Variants in ABCG1 observed in about 807,000 individuals in gnomAD.
ABCG1 encodes the protein ATP-binding cassette sub-family G member 1.
A neutral mutation model predicts 69.2 loss-of-function variants in ABCG1; 29 were observed. That is an observed-to-expected ratio of 0.42 (90% CI 0.31 to 0.57). The LOEUF (loss-of-function observed/expected upper bound fraction) is 0.57. Among genes scored for constraint, ABCG1 ranks in the 20% least tolerant of loss-of-function variants. The pLI, the probability that ABCG1 is intolerant of heterozygous loss-of-function variation, is 0.15. For missense variants in ABCG1, 718 were observed against 898.1 expected (o/e 0.80, Z 2.56); for synonymous variants, 370 against 374.8 (o/e 0.99, Z 0.15).
intron 2 of ABCG1, among the ~76,000 whole-genome samples, chr21:42,227,458 C>T (rs539166982): frequency 2.0e-5 from 3 of 152,278 alleles, no homozygotes; most frequent in East Asian, 1.9e-4. Context: ...GATTCCTGTC[C>T]GTCTGTTATG....
intron 5 of ABCG1, among the ~76,000 whole-genome samples, chr21:42,279,878 A>G (rs1331622869): frequency 6.6e-6 from 1 of 152,228 alleles, no homozygotes; most frequent in Non-Finnish European, 1.5e-5. Context: ...ACCCGAAGGC[A>G]GATGGCACCC....
At chr21:42,255,544 A>G (rs2123665838) in intron 2 of ABCG1, among the ~76,000 whole-genome samples, 1 of 152,326 alleles carries the variant, frequency 6.6e-6, no homozygotes, top group South Asian at 2.1e-4. Flanking sequence ...TGTACAGGGC[A>G]GACGCACTCA....
At chr21:42,246,195 G>A (rs566018162) in intron 2 of ABCG1, among the ~76,000 whole-genome samples, 1 of 152,140 alleles carries the variant, frequency 6.6e-6, no homozygotes, top group Admixed American at 6.6e-5. Flanking sequence ...GACTGAATTC[G>A]CCATCCAAAC....
At chr21:42,282,227 G>A (rs1340765264) in intron 5 of ABCG1, 47 bp from the exon 6 acceptor site, 1 of 1,590,850 alleles carries the variant, frequency 6.3e-7, no homozygotes, top group Non-Finnish European at 8.6e-7. Flanking sequence ...GGGAGGTGGT[G>A]AGCTTTGGCG....
chr21:42,280,301 G>A (rs535943746), intron 5 of ABCG1, among the ~76,000 whole-genome samples: 1 of 152,230 alleles, frequency 6.6e-6, no homozygotes, highest in Non-Finnish European at 1.5e-5. Context: ...AACACAATGG[G>A]ATGGAATGTT....
At chr21:42,289,584 C>T (rs540853935) in intron 10 of ABCG1, among the ~76,000 whole-genome samples, 1 of 152,232 alleles carries the variant, frequency 6.6e-6, no homozygotes, top group Admixed American at 6.5e-5. Context: ...ACAATCTGGC[C>T]ACCTACTTAG....
intron 2 of ABCG1, 135 bp from the exon 3 acceptor site, chr21:42,270,935 C>T (rs758064280): frequency 3.9e-5 from 21 of 538,156 alleles, no homozygotes; most frequent in Non-Finnish European, 6.6e-5. Flanking sequence ...TCATGTTCTT[C>T]CCTGGAATGC....
chr21:42,229,018 C>T (rs564078002), intron 2 of ABCG1, among the ~76,000 whole-genome samples: 5 of 152,320 alleles, frequency 3.3e-5, no homozygotes, highest in South Asian at 2.1e-4. Context: ...TCCGCCTCTG[C>T]GCCTGCTGGT....
chr21:42,239,152 A>G (rs1428316597), intron 2 of ABCG1, among the ~76,000 whole-genome samples: 1 of 152,206 alleles, frequency 6.6e-6, no homozygotes, highest in Non-Finnish European at 1.5e-5. Flanking sequence ...GAGCTCAGGA[A>G]TGTGGGCTCC....
chr21:42,245,544 G>A (rs1054811002), intron 2 of ABCG1, among the ~76,000 whole-genome samples: 6 of 152,160 alleles, frequency 3.9e-5, no homozygotes, highest in African/African-American at 1.4e-4. Flanking sequence ...GGCCTCCCTG[G>A]CCAACCACGG....
At chr21:42,254,370 A>T (rs2068269174) in intron 2 of ABCG1, among the ~76,000 whole-genome samples, 1 of 152,164 alleles carries the variant, frequency 6.6e-6, no homozygotes, top group South Asian at 2.1e-4. Context: ...CCTGCCCCAC[A>T]CTCACTGAGG....
rs972490949 is a variant in ABCG1 at position 42,284,585 on chromosome 21, C to T, written c.760C>T (p.Gln254Ter). ...TSGLDSASCFQVVSLMKGLAQ... is the reference protein window; with the variant it reads ...TSGLDSASCF ...CGGCCTGGACAGCGCCTCCTGCTTCCAGGTGGTCTCGCTGATGAAAGGGCT... is the reference window on the plus strand; with the variant it reads ...CGGCCTGGACAGCGCCTCCTGCTTCTAGGTGGTCTCGCTGATGAAAGGGCT... Residue 254 changes from glutamine to a stop codon, truncating the protein, a stop_gained, in exon 7 of 15, where the codon CAG (glutamine) becomes TAG (stop). Coordinates refer to ENST00000398449, the MANE Select transcript of ABCG1 (RefSeq NM_016818.3). LOFTEE classifies it high-confidence loss of function. 1.9e-6 allele frequency: 3 copies of T among 1,613,830 alleles called. No individual in the cohort carries two copies. The highest frequency in any genetic ancestry group is 2.5e-6 in the Non-Finnish European group (3 of 1,180,020).
chr21:42,241,746 T>C (rs939435697), intron 2 of ABCG1, among the ~76,000 whole-genome samples: 1 of 151,036 alleles, frequency 6.6e-6, no homozygotes, highest in Non-Finnish European at 1.5e-5. Context: ...CAGCACCTTG[T>C]GGGGCTGAGG....
At chr21:42,206,646 G>A (rs1483097314) in intron 2 of ABCG1, among the ~76,000 whole-genome samples, 1 of 152,100 alleles carries the variant, frequency 6.6e-6, no homozygotes, top group Non-Finnish European at 1.5e-5. Context: ...TTGTAGACAT[G>A]GGACCTCACT....
chr21:42,289,985 G>A (rs1462145534), intron 10 of ABCG1, 65 bp from the exon 11 acceptor site: 15 of 1,594,626 alleles, frequency 9.4e-6, no homozygotes, highest in Non-Finnish European at 5.2e-6. Flanking sequence ...GGCCGCATCC[G>A]GGTTGTTCTC....
Position 42,282,408 on chromosome 21 carries a change from T to C in ABCG1, c.723T>C (p.Asp241=). ...LVNNPPVMFF[D]EPTSGLDSAS... ...ACAACCCTCCAGTCATGTTCTTCGA[T>C]GAGCCCACCAGGTAAGTCAGGAGCA... Residue 241 remains aspartate (D), a synonymous_variant, in exon 6 of 15, where the codon GAT becomes GAC. Transcript: ENST00000398449. 6.2e-7 allele frequency: 1 copy of C among 1,612,704 alleles called. No homozygotes were observed. Among genetic ancestry groups the C allele is most frequent in the East Asian group, 2.2e-5 (1 of 44,840 alleles).
rs555625684 is a variant in ABCG1, at chr21:42,223,276, T to G, written c.43-2395T>G. Among the ~76,000 whole-genome samples the G allele has an allele frequency of 7.0e-4, 107 of 152,300 alleles. 1 individual carries two copies. Among genetic ancestry groups the G allele is most frequent in the African/African-American group, 2.3e-3 (95 of 41,558 alleles). ...GCCACCAGGAGCCAGCACTCCTCCATGTCACCTTGCTAAACTCAACTAAGA... is the reference window on the plus strand; with the variant it reads ...GCCACCAGGAGCCAGCACTCCTCCAGGTCACCTTGCTAAACTCAACTAAGA... On this transcript the variant is annotated intron_variant, in intron 1 of 14. Coordinates refer to ENST00000398449, the MANE Select transcript of ABCG1 (RefSeq NM_016818.3).
intron 2 of ABCG1, among the ~76,000 whole-genome samples, chr21:42,263,655 C>T (rs142371716): frequency 6.6e-5 from 10 of 152,328 alleles, no homozygotes; most frequent in Admixed American, 3.3e-4. Context: ...ACTTCTGTCT[C>T]GCCCACTTGG....
Position 42,287,006 on chromosome 21 carries a change from G to GCT in ABCG1, c.974-883_974-882insCT, listed in dbSNP as rs1187885791. On this transcript the variant is annotated intron_variant, in intron 8 of 14. Coordinates refer to ENST00000398449, the MANE Select transcript of ABCG1 (RefSeq NM_016818.3). The surrounding 1 kb of genome is among the most constrained non-coding windows in gnomAD (Gnocchi z 6.2). ...TTTGTGGCTTCATCTAGGAGGTGTG[G>GCT]TGGCCTCCGTACCAGCTGGGAGGAA... 6.6e-6 allele frequency among the ~76,000 whole-genome samples: 1 copy of GCT among 152,212 alleles called. No individual in the cohort carries two copies. Among genetic ancestry groups the GCT allele is most frequent in the African/African-American group, 2.4e-5 (1 of 41,460 alleles).
Sources: gnomAD v4.1 joint callset for allele counts (sites outside exome capture counted in the v4.1 genomes callset) on GRCh38, gnomAD v4.1.1 for gene constraint, Gnocchi (gnomAD v3.1) non-coding constraint, MANE v1.5 for transcripts, NCBI Gene and HGNC (gene_info 2026-07-23, HGNC 2026-07-21) for gene names.